The following SLC5A11 variants were observed in gnomAD, a reference collection of about 807,000 sequenced individuals.
SLC5A11 encodes solute carrier family 5 member 11, also known as sodium/myo-inositol cotransporter 2.
SLC5A11 carries 48 observed loss-of-function variants against 69.8 expected under a neutral mutation model. The ratio of observed to expected loss-of-function variants is 0.69; its 90% CI spans 0.55 to 0.87. The LOEUF (loss-of-function observed/expected upper bound fraction) is 0.87. SLC5A11 is among the 40% of genes least tolerant of loss of function. The pLI, the probability that SLC5A11 is intolerant of heterozygous loss-of-function variation, is 0.00. For missense variants in SLC5A11, 784 were observed against 866.1 expected (o/e 0.91, Z 1.19); for synonymous variants, 319 against 342.4 (o/e 0.93, Z 0.75).
At chr16:24,879,220 CT>C (rs2047887304) in intron 7 of SLC5A11, among the ~76,000 whole-genome samples, 1 of 151,242 alleles carries the variant, frequency 6.6e-6, no homozygotes, top group Admixed American at 6.6e-5. Flanking sequence ...TCACCTTCGA[CT>C]TTGATTTTAG....
intron 15 of SLC5A11, 72 bp downstream of exon 16, chr16:24,910,549 T>C: frequency 8.6e-7 from 1 of 1,157,434 alleles, no homozygotes; most frequent in East Asian, 2.4e-5. Flanking sequence ...TTTTTTTTCC[T>C]ATCAAATCAC....
chr16:24,896,277 G>A (rs1410379374), intron 9 of SLC5A11, among the ~76,000 whole-genome samples: 1 of 152,000 alleles, frequency 6.6e-6, no homozygotes, highest in African/African-American at 2.4e-5. Context: ...TTGAGGCCAG[G>A]GGTTCAAGAC....
At chr16:24,908,262 T>C (rs963943592) in intron 13 of SLC5A11, 131 bp downstream of exon 14, 35 of 1,027,984 alleles carry the variant, frequency 3.4e-5, no homozygotes, top group African/African-American at 1.2e-4. Flanking sequence ...GTGAGTTCCA[T>C]TGGTGGAAGA....
At chr16:24,892,602 A>G (rs930473572) in intron 9 of SLC5A11, among the ~76,000 whole-genome samples, 2 of 152,114 alleles carry the variant, frequency 1.3e-5, no homozygotes, top group African/African-American at 4.8e-5. Flanking sequence ...ACTGCATGTT[A>G]TATTTTCTCG....
exon 12 of SLC5A11, chr16:24,907,094 G>C (rs2050125758): frequency 1.9e-6 from 3 of 1,614,096 alleles, no homozygotes; most frequent in South Asian, 1.1e-5. Context: ...ATCTTTAACA[G>C]TGCCAGCACC....
chr16:24,911,275 C>T, intron 15 of SLC5A11, 53 bp from the exon 17 acceptor site: 1 of 1,575,246 alleles, frequency 6.3e-7, no homozygotes, highest in South Asian at 1.1e-5. Context: ...TGTCTCACCT[C>T]TCTGGGAGAT....
intron 2 of SLC5A11, chr16:24,859,258 T>G (rs1307758119): frequency 6.6e-6 from 1 of 152,242 alleles, no homozygotes; most frequent in Admixed American, 6.5e-5. Flanking sequence ...CGGCCTCGAC[T>G]TCTTGGGCTC....
exon 4 of SLC5A11, chr16:24,869,933 A>G: frequency 2.5e-6 from 4 of 1,614,106 alleles, no homozygotes; most frequent in Non-Finnish European, 3.4e-6. Flanking sequence ...GCAATGTTGG[A>G]AGTGGACATT....
intron 2 of SLC5A11, among the ~76,000 whole-genome samples, chr16:24,861,763 AAG>A (rs2046573599): frequency 2.0e-5 from 3 of 150,398 alleles, no homozygotes; most frequent in Admixed American, 1.3e-4. Flanking sequence ...GAAGGAAAGA[AAG>A]AAAGAGAAAG....
At chr16:24,893,170 C>T (rs1195962086) in intron 9 of SLC5A11, among the ~76,000 whole-genome samples, 1 of 149,452 alleles carries the variant, frequency 6.7e-6, no homozygotes, top group Admixed American at 6.7e-5. Context: ...CACCTGTAAT[C>T]CCAGCTACTC....
chr16:24,901,394 C>T (rs565915354), intron 10 of SLC5A11, among the ~76,000 whole-genome samples: 9 of 152,240 alleles, frequency 5.9e-5, no homozygotes, highest in African/African-American at 9.6e-5. Context: ...GCAGGCAGAT[C>T]GCTCGAGCTC....
chr16:24,869,006 T>C (rs2047101375), intron 3 of SLC5A11, among the ~76,000 whole-genome samples: 1 of 152,000 alleles, frequency 6.6e-6, no homozygotes, highest in Non-Finnish European at 1.5e-5. Context: ...TAGCTGGGAT[T>C]ATAGGCATGT....
intron 9 of SLC5A11, among the ~76,000 whole-genome samples, chr16:24,896,933 A>G (rs1181811065): frequency 7.5e-6 from 1 of 134,104 alleles, no homozygotes; most frequent in Non-Finnish European, 1.6e-5. Context: ...GAGTTAGACA[A>G]CCTCCTTCCT....
intron 7 of SLC5A11, among the ~76,000 whole-genome samples, chr16:24,883,669 C>T (rs977334331): frequency 6.6e-6 from 1 of 152,202 alleles, no homozygotes; most frequent in Non-Finnish European, 1.5e-5. Flanking sequence ...GCTTCCCCTC[C>T]GTGGGGGCCC....
At chr16:24,903,767 C>T (rs2049821250) in intron 10 of SLC5A11, among the ~76,000 whole-genome samples, 1 of 152,180 alleles carries the variant, frequency 6.6e-6, no homozygotes, top group African/African-American at 2.4e-5. Context: ...CATCTGTTGA[C>T]AGACACTGAG....
intron 15 of SLC5A11, 54 bp downstream of exon 16, chr16:24,910,531 TGA>T: frequency 6.6e-7 from 1 of 1,503,790 alleles, no homozygotes. Context: ...TTAAAGGGAT[TGA>T]TTTTTTTTTT....
chr16:24,888,067 C>T (rs1331493787), intron 8 of SLC5A11, among the ~76,000 whole-genome samples: 1 of 152,146 alleles, frequency 6.6e-6, no homozygotes, highest in Non-Finnish European at 1.5e-5. Context: ...AATAAGCGTT[C>T]TCCTATCATG....
intron 10 of SLC5A11, among the ~76,000 whole-genome samples, chr16:24,904,852 A>G (rs1201150817): frequency 6.6e-6 from 1 of 152,170 alleles, no homozygotes. Context: ...TACATGTGCC[A>G]TGGTGGTTTG....
At chr16:24,864,626 G>A (rs571786749) in intron 3 of SLC5A11, among the ~76,000 whole-genome samples, 6 of 152,138 alleles carry the variant, frequency 3.9e-5, no homozygotes, top group African/African-American at 9.6e-5. Context: ...CATACACAGG[G>A]GAGAAAAAGC....
Sources: gnomAD v4.1 joint callset for allele counts (sites outside exome capture counted in the v4.1 genomes callset) on GRCh38, gnomAD v4.1.1 for gene constraint, MANE v1.5 for transcripts, NCBI Gene and HGNC (gene_info 2026-07-23, HGNC 2026-07-21) for gene names.